Variants in POU2AF1 observed in about 807,000 individuals in gnomAD.
POU2AF1 encodes the protein POU domain class 2-associating factor 1.
In POU2AF1, 12 loss-of-function variants were observed where a neutral mutation model predicts 26.3. The observed-to-expected ratio is 0.46, with a 90% CI of 0.29 to 0.74. The LOEUF (loss-of-function observed/expected upper bound fraction) is 0.74, where lower values mean the gene tolerates loss of function less well. Ranked by LOEUF, POU2AF1 falls within the 30% of genes least tolerant of loss-of-function variation. POU2AF1 has a pLI of 0.09. For synonymous variants in POU2AF1, 175 were observed against 148.0 expected (o/e 1.18, Z -1.32); for missense variants, 297 against 334.5 (o/e 0.89, Z 0.87).
At chr11:111,379,126 T>C (rs1448219131) in intron 1 of POU2AF1, 36 bp downstream of exon 1, 1 of 1,612,846 alleles carries the variant, frequency 6.2e-7, no homozygotes, top group East Asian at 2.2e-5. Flanking sequence ...CCGCTGGCAC[T>C]CGCTTGGGTC....
At chr11:111,376,434 T>C (rs1255611019) in intron 1 of POU2AF1, among the ~76,000 whole-genome samples, 1 of 152,186 alleles carries the variant, frequency 6.6e-6, no homozygotes, top group Non-Finnish European at 1.5e-5. Context: ...AATCTACAGA[T>C]GGAGTGACTT....
In POU2AF1 at chr11:111,354,099, G is replaced by T; in HGVS notation, c.*162C>A. 1 of 612,916 alleles carries T rather than the reference G, an allele frequency of 1.6e-6. No individual in the cohort carries two copies. Among genetic ancestry groups the T allele is most frequent in the East Asian group, 4.6e-5 (1 of 21,564 alleles). The allele number at this position is 612,916 out of a possible 1,614,324, so 38.0% of individuals were successfully genotyped here. A position where few individuals can be genotyped will look rare whatever the true frequency, so the allele number is the denominator to read the frequency against. ...GAGGGAGGAAGTGAGGGAGGGAGGG[G>T]AAGGAAGAAGGGAAGGAAGGTTTAC... is the stretch of plus-strand genomic sequence containing the variant. On this transcript the variant is annotated 3_prime_UTR_variant, in exon 5 of 5. Coordinates refer to ENST00000393067, the MANE Select transcript of POU2AF1 (RefSeq NM_006235.3).
chr11:111,354,365 G>A lies in POU2AF1; in HGVS notation c.667C>T (p.Pro223Ser). The A allele has an allele frequency of 1.2e-6, 2 of 1,614,206 alleles. No individual in the cohort carries two copies. The highest frequency in any genetic ancestry group is 2.2e-5 in the South Asian group (2 of 91,076). Residue 223 changes from proline (P) to serine (S), a missense_variant, in exon 5 of 5, where the codon CCC becomes TCC. Pro to Ser is a moderately conservative substitution (Grantham distance 74, BLOSUM62 -1). Transcript: ENST00000393067. ...PEPVLQDMED[P>S]RRAASSLTID... is the part of the protein sequence containing the mutation. ...GTCAACGAGCTGGCGGCTCTTCTGG[G>A]GTCTTCCATGTCCTGAAGGACTGGC...
chr11:111,370,536 T>G (rs983816618), intron 1 of POU2AF1, among the ~76,000 whole-genome samples: 1 of 152,108 alleles, frequency 6.6e-6, no homozygotes, highest in Non-Finnish European at 1.5e-5. Flanking sequence ...ATAGTTATGG[T>G]GCCTGCAGGT....
chr11:111,354,334 T>C lies in POU2AF1; in HGVS notation c.698A>G (p.Asp233Gly). Residue 233 changes from aspartate to glycine, a missense_variant, in exon 5 of 5, where the codon GAC becomes GGC. Transcript: ENST00000393067. The stretch of plus-strand genomic sequence containing the variant: ...ATCCTCTTCCTCCAAAAGCAGCTTG[T>C]CGATGGTCAACGAGCTGGCGGCTCT... ...PRRAASSLTIDKLLLEEEDSD... is the reference protein window; with the variant it reads ...PRRAASSLTIGKLLLEEEDSD... 6.2e-7 allele frequency: 1 copy of C among 1,614,198 alleles called. No individual in the cohort carries two copies. Among genetic ancestry groups the C allele is most frequent in the Non-Finnish European group, 8.5e-7 (1 of 1,180,028 alleles).
At chr11:111,359,297 C>T (rs185486440) in intron 1 of POU2AF1, 7 of 251,774 alleles carry the variant, frequency 2.8e-5, no homozygotes, top group African/African-American at 1.4e-4. Context: ...TGAGGTTTTC[C>T]GTGGTCAGAA....
intron 4 of POU2AF1, 92 bp downstream of exon 4, chr11:111,357,353 T>C (rs1012935896): frequency 4.5e-6 from 7 of 1,543,086 alleles, no homozygotes; most frequent in African/African-American, 1.4e-5. Context: ...TGAGAATCAA[T>C]AGCAAGGAAG....
intron 1 of POU2AF1, chr11:111,363,026 T>A (rs1010192869): frequency 1.3e-5 from 8 of 630,870 alleles, no homozygotes; most frequent in Admixed American, 6.2e-5. Context: ...TCCCGCCTCC[T>A]ACTGTTTCTA....
At chr11:111,375,522 G>T (rs112319838) in intron 1 of POU2AF1, among the ~76,000 whole-genome samples, 1 of 144,056 alleles carries the variant, frequency 6.9e-6, no homozygotes, top group South Asian at 2.3e-4. Context: ...TCAGCCTCCC[G>T]AGTAGCTGGG....
At chr11:111,361,826 G>C (rs1292818538) in intron 1 of POU2AF1, among the ~76,000 whole-genome samples, 1 of 152,158 alleles carries the variant, frequency 6.6e-6, no homozygotes, top group Admixed American at 6.5e-5. Context: ...ATAGAGTTTG[G>C]CACAGAGCAT....
At chr11:111,359,882 C>G in intron 1 of POU2AF1, 1 of 500,520 alleles carries the variant, frequency 2.0e-6, no homozygotes, top group Non-Finnish European at 4.0e-6. Flanking sequence ...TGCCATTTGT[C>G]TTCCCTTCAC....
chr11:111,358,555 CACAT>C (rs761801562), intron 2 of POU2AF1, among the ~76,000 whole-genome samples: 2 of 150,336 alleles, frequency 1.3e-5, no homozygotes, highest in African/African-American at 5.0e-5. Context: ...CATACACACT[CACAT>C]GCATACACTC....
At chr11:111,358,471 CAT>C (rs1353621224) in intron 2 of POU2AF1, among the ~76,000 whole-genome samples, 3 of 150,470 alleles carry the variant, frequency 2.0e-5, no homozygotes, top group African/African-American at 4.9e-5. Flanking sequence ...CACACACATA[CAT>C]TCTCACACAC....
At chr11:111,358,627 T>C (rs1459750163) in intron 2 of POU2AF1, among the ~76,000 whole-genome samples, 161 bp downstream of exon 2, 1 of 145,644 alleles carries the variant, frequency 6.9e-6, no homozygotes, top group African/African-American at 2.6e-5. Flanking sequence ...CAGATACACA[T>C]TCTCTCTCAC....
At position 111,353,819 on chromosome 11, in the gene POU2AF1, A is replaced by G. The variant is rs1388262706; in HGVS notation, c.*442T>C. On this transcript the variant is annotated 3_prime_UTR_variant, in exon 5 of 5. Transcript: ENST00000393067. Reference sequence around the variant, plus strand: ...TTGGCAACATTTGACATAAAATGTTATTGCTAAAATCCCTATAATTACCTC... The same window carrying G: ...TTGGCAACATTTGACATAAAATGTTGTTGCTAAAATCCCTATAATTACCTC... 1 of 266,706 alleles carries G rather than the reference A, an allele frequency of 3.7e-6. No homozygotes were observed. Among genetic ancestry groups the G allele is most frequent in the Non-Finnish European group, 7.1e-6 (1 of 141,816 alleles). The allele number at this position is 266,706 out of a possible 1,614,324, so 16.5% of individuals were successfully genotyped here.
chr11:111,353,451 C>T lies in POU2AF1; in HGVS notation c.*810G>A, dbSNP rs770664501. 24 of 233,886 alleles carry T rather than the reference C, an allele frequency of 1.0e-4. No individual in the cohort carries two copies. The highest frequency in any genetic ancestry group is 1.9e-4 in the Non-Finnish European group (23 of 118,458). 14.5% of individuals were successfully genotyped at this position (233,886 alleles called of 1,614,324 possible). A position where few individuals can be genotyped will look rare whatever the true frequency, so the allele number is the denominator to read the frequency against. On this transcript the variant is annotated 3_prime_UTR_variant, in exon 5 of 5. Transcript: ENST00000393067. ...CGTCACTGGCCTGTCCCCACCCACC[C>T]TGATGTTCTTTTCTCCCTGCCACCC...
In POU2AF1 at chr11:111,354,660, C is replaced by T. The variant is rs781153269; in HGVS notation, c.457-85G>A. The T allele has an allele frequency of 1.9e-4, 224 of 1,189,424 alleles. No homozygotes were observed. The Middle Eastern group carries it at 3.7e-3, about 20-fold the overall frequency. 73.7% of individuals were successfully genotyped at this position (1,189,424 alleles called of 1,614,324 possible). ...CTTGCCCTTAGAGGGGTCTCCATCTCCCCCTTCAATTCTGCCCTTTCCTGG... is the reference window on the plus strand; with the variant it reads ...CTTGCCCTTAGAGGGGTCTCCATCTTCCCCTTCAATTCTGCCCTTTCCTGG... On this transcript the variant is annotated intron_variant, in intron 4 of 4. Coordinates refer to ENST00000393067, the MANE Select transcript of POU2AF1 (RefSeq NM_006235.3).
rs1860773899 is a variant in POU2AF1 at position 111,353,385 on chromosome 11, A to G, written c.*876T>C. ...CCTCCCACACCCCTCTCTCCAACTA[A>G]GATGCACAGCCTGTTCCCATCCCTC... On this transcript the variant is annotated 3_prime_UTR_variant, in exon 5 of 5. Coordinates refer to ENST00000393067, the MANE Select transcript of POU2AF1 (RefSeq NM_006235.3). 4.3e-6 allele frequency: 1 copy of G among 233,672 alleles called. No homozygotes were observed. Among genetic ancestry groups the G allele is most frequent in the Non-Finnish European group, 8.4e-6 (1 of 118,344 alleles). The allele number at this position is 233,672 out of a possible 1,614,324, so 14.5% of individuals were successfully genotyped here.
At chr11:111,366,762 G>A (rs576501485) in intron 1 of POU2AF1, among the ~76,000 whole-genome samples, 1 of 152,288 alleles carries the variant, frequency 6.6e-6, no homozygotes, top group Non-Finnish European at 1.5e-5. Flanking sequence ...CACTCTTAAA[G>A]TATGTTGGAG....
Sources: gnomAD v4.1 joint callset for allele counts (sites outside exome capture counted in the v4.1 genomes callset) on GRCh38, gnomAD v4.1.1 for gene constraint, MANE v1.5 for transcripts, NCBI Gene and HGNC (gene_info 2026-07-23, HGNC 2026-07-21) for gene names.